CTBP1: variants seen among roughly 807,000 people sequenced by gnomAD.
The protein encoded by CTBP1 is C-terminal binding protein 1, also known as C-terminal-binding protein 1.
A neutral mutation model predicts 42.1 loss-of-function variants in CTBP1; 11 were observed. That is an observed-to-expected ratio of 0.26 (90% CI 0.16 to 0.43). The LOEUF is 0.43. Among genes scored for constraint, CTBP1 ranks in the 20% least tolerant of loss-of-function variants. The probability of loss-of-function intolerance (pLI) is 1.00; values close to 1 mark genes in which losing one functional copy is unlikely to be tolerated. For missense variants in CTBP1, 399 were observed against 624.3 expected (o/e 0.64, Z 3.85); for synonymous variants, 324 against 277.1 (o/e 1.17, Z -1.68).
intron 1 of CTBP1, among the ~76,000 whole-genome samples, chr4:1,246,739 G>A (rs1236115762): frequency 6.6e-6 from 1 of 152,248 alleles, no homozygotes; most frequent in African/African-American, 2.4e-5. Flanking sequence ...AACCAGGTGT[G>A]GCTTGACGGC....
At chr4:1,231,523 C>T (rs376369415) in intron 3 of CTBP1, among the ~76,000 whole-genome samples, 6 of 152,218 alleles carry the variant, frequency 3.9e-5, no homozygotes, top group African/African-American at 1.2e-4. Context: ...GACCCCAGGA[C>T]GCTCCTGGTG....
In CTBP1 at chr4:1,224,805, G is replaced by A. The variant is rs142354665; in HGVS notation, c.514+555C>T. On this transcript the variant is annotated intron_variant, in intron 5 of 9. Coordinates refer to ENST00000382952, the MANE Select transcript of CTBP1 (RefSeq NM_001012614.2). Reference sequence around the variant, plus strand: ...GCTGTGATGTCCATGTGTGATTTCTGTGTGCGCCCGTGAGGTCATGTATAC... The same window carrying A: ...GCTGTGATGTCCATGTGTGATTTCTATGTGCGCCCGTGAGGTCATGTATAC... Among the ~76,000 whole-genome samples the A allele has an allele frequency of 4.0e-4, 61 of 151,370 alleles. 1 individual carries two copies. The highest frequency in any genetic ancestry group is 1.3e-3 in the African/African-American group (55 of 41,152).
chr4:1,241,342 G>C lies in CTBP1; in HGVS notation c.-11C>G, dbSNP rs951664386. On this transcript the variant is annotated 5_prime_UTR_variant, in exon 2 of 10. Transcript: ENST00000382952. ...CTACCAACCTGACATCTCTTAATAT[G>C]GGCTCAGCTTCCACGACCATGAATT... 2.2e-6 allele frequency: 2 copies of C among 919,908 alleles called. No individual in the cohort carries two copies. The highest frequency in any genetic ancestry group is 3.7e-6 in the Non-Finnish European group (2 of 545,340). 57.0% of individuals were successfully genotyped at this position (919,908 alleles called of 1,614,324 possible).
intron 1 of CTBP1, chr4:1,242,820 G>A (rs1732314896): frequency 2.0e-6 from 2 of 985,394 alleles, no homozygotes; most frequent in South Asian, 4.7e-5. Flanking sequence ...AAGGACAGGA[G>A]AAAACCGCCT....
chr4:1,231,949 G>A (rs948541044), intron 3 of CTBP1, among the ~76,000 whole-genome samples: 7 of 152,238 alleles, frequency 4.6e-5, no homozygotes, highest in Non-Finnish European at 1.0e-4. Context: ...GGCGCACCCC[G>A]GTTCTCATAC....
intron 3 of CTBP1, among the ~76,000 whole-genome samples, chr4:1,234,158 A>G (rs899309330): frequency 1.3e-5 from 2 of 152,228 alleles, no homozygotes; most frequent in African/African-American, 2.4e-5. Flanking sequence ...ACACACTGCG[A>G]AACGCGGACT....
At chr4:1,216,256 G>A (rs1729103722) in intron 5 of CTBP1, 51 bp from the exon 6 acceptor site, 2 of 1,539,950 alleles carry the variant, frequency 1.3e-6, no homozygotes, top group African/African-American at 1.4e-5. Context: ...GTGGCCGGGA[G>A]GCCGGCCCCG....
rs931711670 is a variant in CTBP1 at position 1,220,658 on chromosome 4, C to T, written c.515-4453G>A. 3.9e-4 allele frequency among the ~76,000 whole-genome samples: 59 copies of T among 152,268 alleles called. 2 individuals carry two copies. Among genetic ancestry groups the T allele is most frequent in the Non-Finnish European group, 2.9e-5 (2 of 68,052 alleles). ...CACATGGGAGGAAAGGGAAGAAAAA[C>T]AGGTCCACGGAACAGAAGAGTCCAG... On this transcript the variant is annotated intron_variant, in intron 5 of 9. Transcript: ENST00000382952.
chr4:1,216,320 G>A, intron 5 of CTBP1, 115 bp from the exon 6 acceptor site: 1 of 1,072,830 alleles, frequency 9.3e-7, no homozygotes, highest in Non-Finnish European at 1.3e-6. Context: ...TGCCAAGGAT[G>A]ACACCAGCTG....
At chr4:1,230,895 C>T (rs1250981731) in intron 3 of CTBP1, among the ~76,000 whole-genome samples, 2 of 152,252 alleles carry the variant, frequency 1.3e-5, no homozygotes, top group African/African-American at 2.4e-5. Flanking sequence ...GGGCTCCGGG[C>T]GCGCCCACCC....
At chr4:1,239,281 G>A (rs1327487309) in intron 2 of CTBP1, among the ~76,000 whole-genome samples, 1 of 152,216 alleles carries the variant, frequency 6.6e-6, no homozygotes, top group African/African-American at 2.4e-5. Context: ...AGCACCAGGT[G>A]GGGCCACTGT....
At chr4:1,244,537 C>T (rs947654120) in intron 1 of CTBP1, 5 of 984,998 alleles carry the variant, frequency 5.1e-6, no homozygotes, top group Non-Finnish European at 6.0e-6. Context: ...AACCGGTCCG[C>T]TCCCCTCCCT....
At chr4:1,248,600 G>T in intron 1 of CTBP1, 1 of 843,120 alleles carries the variant, frequency 1.2e-6, no homozygotes, top group Non-Finnish European at 1.4e-6. Flanking sequence ...ACGGGGCTGG[G>T]GTCGGTGGAG....
intron 5 of CTBP1, chr4:1,218,465 T>A (rs986795568): frequency 6.6e-6 from 1 of 151,338 alleles, no homozygotes; most frequent in Non-Finnish European, 1.5e-5. Flanking sequence ...CGGTCACTGG[T>A]GAGCCACATT....
intron 5 of CTBP1, 36 bp downstream of exon 5, chr4:1,225,324 G>C (rs965730224): frequency 1.3e-6 from 2 of 1,521,792 alleles, no homozygotes; most frequent in African/African-American, 1.4e-5. Context: ...GCCAGACACA[G>C]GGAGGGACAC....
At chr4:1,230,365 C>G (rs1184005981) in intron 3 of CTBP1, among the ~76,000 whole-genome samples, 2 of 152,176 alleles carry the variant, frequency 1.3e-5, no homozygotes, top group Non-Finnish European at 2.9e-5. Flanking sequence ...GGAGGTGCTT[C>G]GGGCAGCCTG....
intron 1 of CTBP1, chr4:1,241,866 A>G: frequency 8.8e-7 from 1 of 1,142,058 alleles, no homozygotes; most frequent in Non-Finnish European, 1.1e-6. Context: ...CGGAGGGCAC[A>G]GGGTGTGTGC....
At chr4:1,236,411 C>T in intron 3 of CTBP1, 1 of 554,626 alleles carries the variant, frequency 1.8e-6, no homozygotes, top group South Asian at 2.2e-5. Flanking sequence ...CGTGTGAAGA[C>T]CGCCGCGCAA....
chr4:1,244,336 C>G, intron 1 of CTBP1: 1 of 966,832 alleles, frequency 1.0e-6, no homozygotes, highest in Non-Finnish European at 1.2e-6. Context: ...CAGACAGCCA[C>G]AGTGGGTCTC....
Sources: allele counts gnomAD v4.1 joint callset (sites outside exome capture counted in the v4.1 genomes callset), GRCh38; gene constraint gnomAD v4.1.1; transcripts MANE v1.5; gene names NCBI Gene and HGNC (gene_info 2026-07-23, HGNC 2026-07-21).